The following TEX15 variants were observed in gnomAD, a reference collection of about 807,000 sequenced individuals.
TEX15 encodes the protein testis expressed 15, meiosis and synapsis associated, also known as testis-expressed protein 15.
A neutral mutation model predicts 237.3 loss-of-function variants in TEX15; 171 were observed. That is an observed-to-expected ratio of 0.72 (90% CI 0.64 to 0.82). TEX15 has a LOEUF of 0.82. Ranked by LOEUF, TEX15 falls within the 40% of genes least tolerant of loss-of-function variation. TEX15 has a pLI of 0.00. For missense variants in TEX15, 3,750 were observed against 3,646.5 expected (o/e 1.03, Z -0.73); for synonymous variants, 1,338 against 1,269.8 (o/e 1.05, Z -1.14).
At position 30,837,049 on chromosome 8, in the gene TEX15, T is replaced by G; in HGVS notation, c.9235A>C (p.Thr3079Pro). The G allele has an allele frequency of 1.2e-6, 2 of 1,614,162 alleles. No individual in the cohort carries two copies. Among genetic ancestry groups the G allele is most frequent in the Non-Finnish European group, 1.7e-6 (2 of 1,180,026 alleles). ...VQPSPSGLLT[T>P]VASTAQGTHS... ...GTGCCCTGGGCAGTACTTGCAACTG[T>G]GGTCAACAGCCCAGAAGGAGATGGC... Residue 3079 changes from threonine to proline, a missense_variant, in exon 10 of 11, where the codon ACA becomes CCA. Physicochemically the swap from Thr to Pro is conservative, Grantham distance 38. Transcript: ENST00000643185.
At chr8:30,867,244 T>C (rs1241378517) in intron 5 of TEX15, 21 bp downstream of exon 5, 13 of 1,182,202 alleles carry the variant, frequency 1.1e-5, no homozygotes, top group Admixed American at 2.0e-5. Flanking sequence ...ATATACTTAA[T>C]ATTTGTTTTA....
Position 30,842,545 on chromosome 8 carries a change from A to G in TEX15, c.7622T>C (p.Leu2541Pro). The G allele has an allele frequency of 6.2e-7, 1 of 1,610,754 alleles. No individual in the cohort carries two copies. Among genetic ancestry groups the G allele is most frequent in the Non-Finnish European group, 8.5e-7 (1 of 1,179,602 alleles). Residue 2541 changes from leucine to proline, a missense_variant, in exon 8 of 11, where the codon CTC (leucine) becomes CCC (proline). Physicochemically the swap from Leu to Pro is moderately conservative, Grantham distance 98 (BLOSUM62 -3). Coordinates refer to ENST00000643185, the MANE Select transcript of TEX15 (RefSeq NM_001350162.2). Reference sequence around the variant, plus strand: ...TGAAAGTTCTTGAAGTTCTCTTGAGAGCAAATGAATAGCATATGAGCAATT... The same window carrying G: ...TGAAAGTTCTTGAAGTTCTCTTGAGGGCAAATGAATAGCATATGAGCAATT... ...AVNCSYAIHL[L>P]SRELQELSEI...
At chr8:30,862,787 T>A (rs2128771011) in intron 5 of TEX15, among the ~76,000 whole-genome samples, 1 of 152,316 alleles carries the variant, frequency 6.6e-6, no homozygotes, top group South Asian at 2.1e-4. Flanking sequence ...CACTTAGATT[T>A]CTCTTTATGT....
At chr8:30,908,851 T>A (rs1309725585) in intron 1 of TEX15, among the ~76,000 whole-genome samples, 1 of 152,156 alleles carries the variant, frequency 6.6e-6, no homozygotes, top group African/African-American at 2.4e-5. Context: ...TTGCATACAG[T>A]TAGGGGCTTC....
At chr8:30,897,850 G>A (rs1358836224) in intron 2 of TEX15, among the ~76,000 whole-genome samples, 1 of 152,038 alleles carries the variant, frequency 6.6e-6, no homozygotes, top group Non-Finnish European at 1.5e-5. Context: ...TTTTTTGAGA[G>A]ACAAGGTCTT....
rs780433630 is a variant in TEX15 at position 30,837,243 on chromosome 8, G to A, written c.9041C>T (p.Thr3014Ile). ...AGACTGTGGAAGTTCATTCCAATAT[G>A]TGGCAGCATTCTGCATTAGGACTTT... ...NSKVLMQNAA[T>I]YWNELPQSAC... Residue 3014 changes from threonine (T) to isoleucine (I), a missense_variant, in exon 10 of 11, where the codon ACA becomes ATA. Physicochemically the swap from Thr to Ile is moderately conservative, Grantham distance 89. Coordinates refer to ENST00000643185, the MANE Select transcript of TEX15 (RefSeq NM_001350162.2). The A allele has an allele frequency of 6.7e-5, 108 of 1,613,988 alleles. No homozygotes were observed. The highest frequency in any genetic ancestry group is 8.9e-5 in the Non-Finnish European group (105 of 1,179,984).
Position 30,857,109 on chromosome 8 carries a change from T to C in TEX15, c.850+1559A>G, listed in dbSNP as rs944331037. Among the ~76,000 whole-genome samples the C allele has an allele frequency of 1.3e-4, 20 of 152,266 alleles. No homozygotes were observed. In the East Asian group the frequency reaches 1.5e-3, roughly 12 times the overall value. ...GCAAAAGGATAGGCAAAGAGATGAA[T>C]AGAGAGTCCAGTAAGAGATCCCTGC... On this transcript the variant is annotated intron_variant, in intron 7 of 10. Coordinates refer to ENST00000643185, the MANE Select transcript of TEX15 (RefSeq NM_001350162.2).
chr8:30,856,686 A>T (rs1232486364), intron 7 of TEX15, among the ~76,000 whole-genome samples: 1 of 152,236 alleles, frequency 6.6e-6, no homozygotes, highest in African/African-American at 2.4e-5. Context: ...AAAATAAAAC[A>T]AAATAGCTAT....
At chr8:30,841,052 G>A (rs1033220116) in intron 8 of TEX15, among the ~76,000 whole-genome samples, 2 of 152,114 alleles carry the variant, frequency 1.3e-5, no homozygotes, top group Non-Finnish European at 2.9e-5. Flanking sequence ...CAAGTAGTTG[G>A]AACTACAAGT....
intron 10 of TEX15, among the ~76,000 whole-genome samples, chr8:30,835,671 T>A (rs1807277372): frequency 6.6e-6 from 1 of 152,228 alleles, no homozygotes; most frequent in South Asian, 2.1e-4. Flanking sequence ...TATTTGGTTG[T>A]TAGGGTAACT....
intron 3 of TEX15, among the ~76,000 whole-genome samples, chr8:30,876,533 C>T (rs1808403083): frequency 1.3e-5 from 2 of 152,144 alleles, no homozygotes; most frequent in South Asian, 4.1e-4. Context: ...TCATCAGGCA[C>T]TACAGATGTT....
At chr8:30,901,880 C>T (rs181740200) in intron 1 of TEX15, among the ~76,000 whole-genome samples, 26 of 152,312 alleles carry the variant, frequency 1.7e-4, no homozygotes, top group Admixed American at 5.2e-4. Flanking sequence ...CTGGACATGT[C>T]CTATACTTCC....
chr8:30,910,514 G>C (rs568408826), intron 1 of TEX15, among the ~76,000 whole-genome samples: 3 of 151,838 alleles, frequency 2.0e-5, no homozygotes, highest in Non-Finnish European at 4.4e-5. Flanking sequence ...ATGTGATCAC[G>C]GTTTCCTGCA....
At position 30,845,966 on chromosome 8, in the gene TEX15, T is replaced by C. The variant is rs778021810; in HGVS notation, c.4201A>G (p.Ile1401Val). Residue 1401 changes from isoleucine (I) to valine (V), a missense_variant, in exon 8 of 11, where the codon ATA becomes GTA. By Grantham distance (29) the Ile-to-Val change is conservative. Transcript: ENST00000643185. ...TTTCTTTCTTCTCCTACTTTAGTTA[T>C]AAGCTGCAAAGATGTGTGAACTCTT... ...HRRVHTSLQL[I>V]TKVGEERKGP... 1.9e-6 allele frequency: 3 copies of C among 1,612,998 alleles called. No individual in the cohort carries two copies. The highest frequency in any genetic ancestry group is 1.7e-5 in the Admixed American group (1 of 59,886).
At chr8:30,839,855 G>A in intron 9 of TEX15, 51 bp downstream of exon 9, 1 of 1,219,024 alleles carries the variant, frequency 8.2e-7, no homozygotes, top group South Asian at 1.4e-5. Context: ...TTTAGTATTT[G>A]CCCAATTTTG....
intron 2 of TEX15, among the ~76,000 whole-genome samples, chr8:30,896,883 A>G (rs575659603): frequency 2.5e-4 from 38 of 152,346 alleles, no homozygotes; most frequent in Non-Finnish European, 4.3e-4. Flanking sequence ...TAAGACTGAA[A>G]GCAATTTTTT....
intron 5 of TEX15, among the ~76,000 whole-genome samples, chr8:30,861,174 T>C (rs1273614902): frequency 6.6e-6 from 1 of 152,116 alleles, no homozygotes; most frequent in Non-Finnish European, 1.5e-5. Flanking sequence ...ATTAATGATG[T>C]GAGACAACAG....
intron 2 of TEX15, among the ~76,000 whole-genome samples, chr8:30,894,962 C>T (rs1808865528): frequency 6.6e-6 from 1 of 152,106 alleles, no homozygotes; most frequent in Non-Finnish European, 1.5e-5. Flanking sequence ...TCACCAGCTA[C>T]CAAATCTGCC....
chr8:30,895,135 T>C (rs1808872352), intron 2 of TEX15, among the ~76,000 whole-genome samples: 1 of 151,948 alleles, frequency 6.6e-6, no homozygotes, highest in South Asian at 2.1e-4. Context: ...TGATCTTTAG[T>C]CAGCAAGAGC....
Sources: allele counts gnomAD v4.1 joint callset (sites outside exome capture counted in the v4.1 genomes callset), GRCh38; gene constraint gnomAD v4.1.1; transcripts MANE v1.5; gene names NCBI Gene and HGNC (gene_info 2026-07-23, HGNC 2026-07-21).